POLR2F: variants seen among roughly 807,000 people sequenced by gnomAD.
The protein encoded by POLR2F is DNA-directed RNA polymerases I, II, and III subunit RPABC2.
A neutral mutation model predicts 22.7 loss-of-function variants in POLR2F; 12 were observed. The ratio of observed to expected loss-of-function variants is 0.53; its 90% CI spans 0.34 to 0.86. The LOEUF is 0.86. Among genes scored for constraint, POLR2F ranks in the 40% least tolerant of loss-of-function variants. The pLI, the probability that POLR2F is intolerant of heterozygous loss-of-function variation, is 0.02. For synonymous variants in POLR2F, 57 were observed against 66.0 expected (o/e 0.86, Z 0.66); for missense variants, 126 against 171.5 (o/e 0.73, Z 1.48).
chr22:37,973,411 C>T (rs974654509), downstream of POLR2F: 35 of 917,520 alleles, frequency 3.8e-5, no homozygotes, highest in Admixed American at 1.4e-4. Context: ...TCCACTGCCA[C>T]CACCAGGCCT....
intron 3 of POLR2F, among the ~76,000 whole-genome samples, chr22:37,963,824 G>A (rs940474642): frequency 1.3e-5 from 2 of 152,170 alleles, no homozygotes; most frequent in Non-Finnish European, 2.9e-5. Context: ...AGTCCCAGCC[G>A]GGCGCGGTGG....
intron 1 of POLR2F, among the ~76,000 whole-genome samples, chr22:38,014,280 T>C (rs1032548886): frequency 2.0e-5 from 3 of 152,168 alleles, no homozygotes; most frequent in African/African-American, 7.2e-5. Flanking sequence ...ACAGTATTGC[T>C]TCTTCCTTTC....
chr22:37,962,687 A>C (rs544492821), intron 3 of POLR2F, among the ~76,000 whole-genome samples: 1 of 152,166 alleles, frequency 6.6e-6, no homozygotes, highest in East Asian at 1.9e-4. Flanking sequence ...TTTTTCTTTT[A>C]TTTATTTATT....
At chr22:38,026,772 G>A (rs760320139), downstream of POLR2F, 47 of 164,354 alleles carry the variant, frequency 2.9e-4, no homozygotes, top group Non-Finnish European at 5.7e-4. Context: ...AGCTGTACTG[G>A]GCTGGCGACC....
intron 1 of POLR2F, among the ~76,000 whole-genome samples, chr22:38,019,641 C>T (rs1303496093): frequency 6.6e-6 from 1 of 152,200 alleles, no homozygotes; most frequent in East Asian, 1.9e-4. Flanking sequence ...AAAATCAGGC[C>T]GTTGTCTGGA....
downstream of POLR2F, chr22:37,974,111 G>A: frequency 6.2e-7 from 1 of 1,613,436 alleles, no homozygotes; most frequent in Non-Finnish European, 8.5e-7. The surrounding 1 kb of genome is among the most constrained non-coding windows in gnomAD (Gnocchi z 5.4). Flanking sequence ...CTCCCCCATG[G>A]AGCGCCCGTC....
Position 37,986,702 on chromosome 22 carries a change from C to T in POLR2F, c.120+390C>T. On this transcript the variant is annotated intron_variant, in intron 1 of 2. Transcript: ENST00000333418. This position sits in a 1 kb window ranked among gnomAD's most constrained non-coding sequence, Gnocchi z 4.7. ...GTGTTGGGTGAGGCAGGTGGGCCTGCAGGGCGGGTGGGAAGGGCTGTCAGA... is the reference window on the plus strand; with the variant it reads ...GTGTTGGGTGAGGCAGGTGGGCCTGTAGGGCGGGTGGGAAGGGCTGTCAGA... 1 of 516,524 alleles carries T rather than the reference C, an allele frequency of 1.9e-6. No homozygotes were observed. The highest frequency in any genetic ancestry group is 3.7e-6 in the Non-Finnish European group (1 of 267,296). The allele number at this position is 516,524 out of a possible 1,614,324, so 32.0% of individuals were successfully genotyped here. A position where few individuals can be genotyped will look rare whatever the true frequency, so the allele number is the denominator to read the frequency against.
chr22:37,965,245 G>A (rs573722499), intron 3 of POLR2F, among the ~76,000 whole-genome samples: 1 of 152,312 alleles, frequency 6.6e-6, no homozygotes, highest in East Asian at 1.9e-4. Context: ...GACCTCAGGT[G>A]ATTCACCTGT....
intron 1 of POLR2F, 170 bp downstream of exon 1, chr22:37,953,977 C>T (rs1931243655): frequency 6.6e-6 from 5 of 754,028 alleles, no homozygotes; most frequent in Non-Finnish European, 1.1e-5. Context: ...AGGAGCACAG[C>T]CCCGGCTGGA....
chr22:37,992,676 G>A (rs942234221), intron 1 of POLR2F, among the ~76,000 whole-genome samples: 7 of 152,172 alleles, frequency 4.6e-5, no homozygotes, highest in African/African-American at 1.7e-4. Flanking sequence ...TGGGATTACA[G>A]GTGTGAGCCA....
exon 2 of POLR2F, chr22:38,025,949 A>G (rs766492427): frequency 4.6e-6 from 3 of 652,018 alleles, no homozygotes; most frequent in Non-Finnish European, 8.9e-6. Context: ...GAAATCAATG[A>G]CTCTGAATCT....
intron 1 of POLR2F, among the ~76,000 whole-genome samples, chr22:38,022,551 C>CAAAA (rs376987789): frequency 8.5e-4 from 46 of 54,432 alleles, no homozygotes; most frequent in Middle Eastern, 0.019. Flanking sequence ...AACGCTGTCT[C>CAAAA]AAAAAAAAAA....
Position 38,016,709 on chromosome 22 carries a change from G to C in POLR2F, c.121-9160G>C, listed in dbSNP as rs2084918419. Among the ~76,000 whole-genome samples the C allele has an allele frequency of 7.2e-6, 1 of 138,110 alleles. No individual in the cohort carries two copies. Among genetic ancestry groups the C allele is most frequent in the Admixed American group, 7.3e-5 (1 of 13,744 alleles). 90.6% of individuals were successfully genotyped at this position (138,110 alleles called of 152,430 possible). On this transcript the variant is annotated intron_variant, in intron 1 of 2. Coordinates refer to the POLR2F transcript ENST00000333418. This position sits in a 1 kb window ranked among gnomAD's most constrained non-coding sequence, Gnocchi z 4.4. ...CAGCGGTTCCAGCCCTGGGCGGGTG[G>C]AAAGAGTGCTGGCACGCACCGCGGG...
intron 1 of POLR2F, chr22:37,987,626 G>A: frequency 3.1e-6 from 1 of 318,766 alleles, no homozygotes; most frequent in South Asian, 2.8e-5. Flanking sequence ...GTGAGGGATG[G>A]TCTGGTCAAG....
intron 1 of POLR2F, among the ~76,000 whole-genome samples, chr22:38,001,859 AC>A (rs1266832528): frequency 2.0e-5 from 3 of 150,198 alleles, no homozygotes; most frequent in Admixed American, 6.7e-5. Context: ...ATGGAGTCTC[AC>A]TCTGGTGCCC....
At chr22:37,959,803 GTT>G (rs758630099) in intron 3 of POLR2F, among the ~76,000 whole-genome samples, 9 of 136,954 alleles carry the variant, frequency 6.6e-5, no homozygotes, top group Admixed American at 1.5e-4. Context: ...TACCAGTGTA[GTT>G]TTTTTTTTTT....
chr22:37,969,119 A>C lies in POLR2F; in HGVS notation c.*1404A>C. The C allele has an allele frequency of 1.0e-6, 1 of 984,956 alleles. No individual in the cohort carries two copies. 61.0% of individuals were successfully genotyped at this position (984,956 alleles called of 1,614,324 possible). On this transcript the variant is annotated 3_prime_UTR_variant, in exon 5 of 5. Transcript: ENST00000442738. ...CTCAGTATCAGATGTGATTAAAGGG[A>C]GATGGGGTTTGGGCTGGGGAGGAGG...
chr22:37,971,897 G>A (rs1932062929), downstream of POLR2F, among the ~76,000 whole-genome samples: 1 of 151,970 alleles, frequency 6.6e-6, no homozygotes. Context: ...TGGCCCCCCT[G>A]CAGTGTGGGG....
At chr22:38,012,643 G>A (rs1027877096) in intron 1 of POLR2F, among the ~76,000 whole-genome samples, 3 of 152,026 alleles carry the variant, frequency 2.0e-5, no homozygotes, top group African/African-American at 7.3e-5. Flanking sequence ...CCCACGTTAC[G>A]TTTACTCACC....
Sources: allele counts gnomAD v4.1 joint callset (sites outside exome capture counted in the v4.1 genomes callset), GRCh38; gene constraint gnomAD v4.1.1; non-coding constraint Gnocchi (gnomAD v3.1); transcripts MANE v1.5; gene names NCBI Gene and HGNC (gene_info 2026-07-23, HGNC 2026-07-21).